The following CFAP54 variants were observed in gnomAD, a reference collection of about 807,000 sequenced individuals.
The protein encoded by CFAP54 is cilia and flagella associated protein 54.
Under a neutral mutation model 370.4 loss-of-function variants are expected in CFAP54, and 290 were observed. The ratio of observed to expected loss-of-function variants is 0.78; its 90% CI spans 0.71 to 0.86. The LOEUF is 0.86. Among genes scored for constraint, CFAP54 ranks in the 40% least tolerant of loss-of-function variants. CFAP54 has a pLI of 0.00. For synonymous variants in CFAP54, 1,206 were observed against 1,236.5 expected, an observed-to-expected ratio of 0.98 and a Z score of 0.52; for missense variants, 3,399 against 3,528.7, an observed-to-expected ratio of 0.96 and a Z score of 0.93.
At chr12:96,810,218 C>G (rs1402367307) in intron 63 of CFAP54, among the ~76,000 whole-genome samples, 1 of 151,808 alleles carries the variant, frequency 6.6e-6, no homozygotes, top group Non-Finnish European at 1.5e-5. Flanking sequence ...GTTGGCAACC[C>G]CTCTGAAAAC....
intron 25 of CFAP54, among the ~76,000 whole-genome samples, chr12:96,596,009 C>T (rs969950243): frequency 6.6e-6 from 1 of 152,004 alleles, no homozygotes; most frequent in Admixed American, 6.6e-5. Context: ...TATAGTGGCC[C>T]AATGTTTTGT....
chr12:96,594,263 C>G, intron 24 of CFAP54, 28 bp from the exon 25 acceptor site: 1 of 1,478,724 alleles, frequency 6.8e-7, no homozygotes, highest in Non-Finnish European at 9.0e-7. Context: ...TATGTTCAAT[C>G]TGAGTAACAA....
chr12:96,715,296 C>A (rs575034055), intron 48 of CFAP54, among the ~76,000 whole-genome samples: 182 of 152,138 alleles, frequency 1.2e-3, no homozygotes, highest in African/African-American at 4.3e-3. Flanking sequence ...TTTTTCCCAG[C>A]CACATTAAAA....
intron 63 of CFAP54, among the ~76,000 whole-genome samples, chr12:96,807,802 G>A (rs1262969238): frequency 6.6e-6 from 1 of 152,140 alleles, no homozygotes; most frequent in Non-Finnish European, 1.5e-5. Context: ...CCAAAGAAGG[G>A]TAAGGAGCCA....
rs867148425 is a variant in CFAP54, at chr12:96,727,815, C to T, written c.6965+7250C>T. Among the ~76,000 whole-genome samples, 1,093 of 151,500 alleles carry T rather than the reference C, an allele frequency of 7.2e-3. 12 individuals are homozygous for T. The highest frequency in any genetic ancestry group is 0.025 in the African/African-American group (1,028 of 41,208). Reference sequence around the variant, plus strand: ...GGCATTATTTTGCAGCGGCTGGTACCGGTTGTTCCTTTCCATGTTTAGTGC... The same window carrying T: ...GGCATTATTTTGCAGCGGCTGGTACTGGTTGTTCCTTTCCATGTTTAGTGC... On this transcript the variant is annotated intron_variant, in intron 50 of 67. Transcript: ENST00000524981.
chr12:96,852,093 A>G (rs1023974472), intron 66 of CFAP54, among the ~76,000 whole-genome samples: 1 of 152,140 alleles, frequency 6.6e-6, no homozygotes, highest in East Asian at 1.9e-4. Flanking sequence ...TTAAAAAATT[A>G]AACTCTCATT....
At position 96,499,977 on chromosome 12, in the gene CFAP54, C is replaced by CA. The variant is rs571829256; in HGVS notation, c.318-853dup. Among the ~76,000 whole-genome samples the CA allele has an allele frequency of 2.7e-3, 402 of 150,696 alleles. 2 individuals carry two copies. Among genetic ancestry groups the CA allele is most frequent in the African/African-American group, 9.1e-3 (371 of 40,968 alleles). ...CAAAACAAAACAAAACAAAACAAAA[C>CA]AAAACAAAAAAAACCGTGCGCATCA... On this transcript the variant is annotated intron_variant, in intron 1 of 67. Transcript: ENST00000524981.
chr12:96,541,308 C>T (rs149393455), intron 14 of CFAP54, among the ~76,000 whole-genome samples: 5,069 of 129,872 alleles, frequency 0.039, 117 homozygotes, highest in Middle Eastern at 0.096. Context: ...TTTTTTGAGA[C>T]GGAGTTTTGC....
At chr12:96,739,158 G>A (rs547485021) in intron 50 of CFAP54, among the ~76,000 whole-genome samples, 2 of 151,948 alleles carry the variant, frequency 1.3e-5, no homozygotes, top group African/African-American at 2.4e-5. Flanking sequence ...GATATATTTC[G>A]GCCTTCATCC....
chr12:96,655,324 G>T lies in CFAP54; in HGVS notation c.5101-2558G>T, dbSNP rs551331921. Reference sequence around the variant, plus strand: ...AGGGCTTCTTTGGAAAAAAAAAAAAGCTTGACTACCTTACCTCCTATGTGA... The same window carrying T: ...AGGGCTTCTTTGGAAAAAAAAAAAATCTTGACTACCTTACCTCCTATGTGA... On this transcript the variant is annotated intron_variant, in intron 36 of 67. Coordinates refer to ENST00000524981, the MANE Select transcript of CFAP54 (RefSeq NM_001306084.2). 7.8e-4 allele frequency among the ~76,000 whole-genome samples: 117 copies of T among 150,882 alleles called. 1 individual carries two copies. The highest frequency in any genetic ancestry group is 1.2e-3 in the Non-Finnish European group (81 of 67,718).
Position 96,495,024 on chromosome 12 carries a change from C to T in CFAP54, c.317+5098C>T, listed in dbSNP as rs566254944. On this transcript the variant is annotated intron_variant, in intron 1 of 67. Transcript: ENST00000524981. ...ACAGGCGTGAGCCACTGCGCCTAGACAACAGATGGTTATTTTTTGTATCAA... is the reference window on the plus strand; with the variant it reads ...ACAGGCGTGAGCCACTGCGCCTAGATAACAGATGGTTATTTTTTGTATCAA... Among the ~76,000 whole-genome samples the T allele has an allele frequency of 4.6e-5, 7 of 152,188 alleles. No homozygotes were observed. The East Asian group carries it at 7.7e-4, about 17-fold the overall frequency.
At chr12:96,594,735 G>A (rs142430109) in intron 25 of CFAP54, among the ~76,000 whole-genome samples, 37 of 152,158 alleles carry the variant, frequency 2.4e-4, no homozygotes, top group Middle Eastern at 3.4e-3. Flanking sequence ...TAATTTTTAT[G>A]TTCTTGTAGT....
rs1267992409 is a variant in CFAP54, at chr12:96,490,744, TAAC to T, written c.317+822_317+824del. Among the ~76,000 whole-genome samples, 7 of 152,022 alleles carry T rather than the reference TAAC, an allele frequency of 4.6e-5. No homozygotes were observed. The East Asian group carries it at 9.6e-4, about 21-fold the overall frequency. The stretch of plus-strand genomic sequence containing the variant: ...ATAAAATATTTTTTATTTATGCATA[TAAC>T]AACTATTTATTGAGCACATACTGTA... On this transcript the variant is annotated intron_variant, in intron 1 of 67. Transcript: ENST00000524981.
intron 42 of CFAP54, among the ~76,000 whole-genome samples, chr12:96,686,450 G>T (rs1230553001): frequency 6.6e-6 from 1 of 152,168 alleles, no homozygotes; most frequent in Non-Finnish European, 1.5e-5. Context: ...GGTTTAATTG[G>T]TTCGTGGTTC....
Position 96,657,902 on chromosome 12 carries a change from A to G in CFAP54, c.5121A>G (p.Glu1707=). The G allele has an allele frequency of 6.2e-7, 1 of 1,612,200 alleles. No homozygotes were observed. Among genetic ancestry groups the G allele is most frequent in the Non-Finnish European group, 8.5e-7 (1 of 1,179,250 alleles). ...TGCAGCCTATTGAAGACAAAGGAGA[A>G]TTCAGTGTTCCAAGCTGTTATGGGA... ...SSIKPIEDKG[E]FSVPSCYGNI... is the part of the protein sequence containing the mutation. Residue 1707 remains glutamate, a synonymous_variant, in exon 37 of 68, where the codon GAA becomes GAG. Coordinates refer to ENST00000524981, the MANE Select transcript of CFAP54 (RefSeq NM_001306084.2).
chr12:96,612,474 C>T (rs550022055), intron 26 of CFAP54, among the ~76,000 whole-genome samples: 2 of 152,256 alleles, frequency 1.3e-5, no homozygotes, highest in Admixed American at 1.3e-4. Flanking sequence ...GAAGAAACTG[C>T]ATCAACTAAT....
intron 55 of CFAP54, among the ~76,000 whole-genome samples, chr12:96,748,819 T>G (rs1470408185): frequency 6.6e-6 from 1 of 152,222 alleles, no homozygotes; most frequent in Non-Finnish European, 1.5e-5. Context: ...CCAGCATATG[T>G]CTGGGTATAT....
chr12:96,607,153 T>C (rs1379838127), intron 26 of CFAP54, among the ~76,000 whole-genome samples: 2 of 152,222 alleles, frequency 1.3e-5, no homozygotes, highest in Non-Finnish European at 2.9e-5. Flanking sequence ...TTACCAGTGC[T>C]GGAGAGACTG....
chr12:96,626,454 G>A (rs1025861101), intron 29 of CFAP54, among the ~76,000 whole-genome samples: 1 of 151,600 alleles, frequency 6.6e-6, no homozygotes, highest in Non-Finnish European at 1.5e-5. Flanking sequence ...AATGAGAAAT[G>A]GCAACATAAT....
Sources: allele counts gnomAD v4.1 joint callset (sites outside exome capture counted in the v4.1 genomes callset), GRCh38; gene constraint gnomAD v4.1.1; transcripts MANE v1.5; gene names NCBI Gene and HGNC (gene_info 2026-07-23, HGNC 2026-07-21).